Variants in PTPRG observed in about 807,000 individuals in gnomAD.
The protein encoded by PTPRG is protein tyrosine phosphatase receptor type G, also known as receptor-type tyrosine-protein phosphatase gamma.
PTPRG carries 102 observed loss-of-function variants against 165.3 expected under a neutral mutation model. That is an observed-to-expected ratio of 0.62 (90% CI 0.53 to 0.73). The LOEUF is 0.73. Ranked by LOEUF, PTPRG falls within the 30% of genes least tolerant of loss-of-function variation. The pLI, the probability that PTPRG is intolerant of heterozygous loss-of-function variation, is 0.00. For synonymous variants in PTPRG, 675 were observed against 669.5 expected, an observed-to-expected ratio of 1.01 and a Z score of -0.13; for missense variants, 1,866 against 1,861.4, an observed-to-expected ratio of 1.00 and a Z score of -0.05.
At chr3:61,708,523 G>T (rs993969032) in intron 1 of PTPRG, among the ~76,000 whole-genome samples, 1 of 139,190 alleles carries the variant, frequency 7.2e-6, no homozygotes, top group Admixed American at 8.0e-5. Context: ...GTGCAGTGGC[G>T]CAATCTGGGC....
At chr3:61,866,667 T>C (rs2037420628) in intron 2 of PTPRG, among the ~76,000 whole-genome samples, 1 of 136,354 alleles carries the variant, frequency 7.3e-6, no homozygotes, top group Admixed American at 8.4e-5. Flanking sequence ...TGGTACGGTA[T>C]CAGCTCACTG....
In PTPRG at chr3:61,897,298, C is replaced by CT. The variant is rs199955570; in HGVS notation, c.191-92318dup. On this transcript the variant is annotated intron_variant, in intron 2 of 29. Coordinates refer to ENST00000474889, the MANE Select transcript of PTPRG (RefSeq NM_002841.4). ...GGTGTGAGGTTTAGGCTGATCTTCT[C>CT]TTTTTTTTTGCCTAAGGTTTTCCAG... 3.5e-3 allele frequency among the ~76,000 whole-genome samples: 513 copies of CT among 146,942 alleles called. 1 individual carries two copies. Among genetic ancestry groups the CT allele is most frequent in the African/African-American group, 0.011 (396 of 37,570 alleles).
intron 1 of PTPRG, among the ~76,000 whole-genome samples, chr3:61,610,021 G>T (rs1701124363): frequency 6.8e-6 from 1 of 147,394 alleles, no homozygotes; most frequent in African/African-American, 2.5e-5. Context: ...GTTTTTATTT[G>T]TATCTAGTAT....
At chr3:62,028,491 T>G (rs1699648434) in intron 4 of PTPRG, among the ~76,000 whole-genome samples, 1 of 152,240 alleles carries the variant, frequency 6.6e-6, no homozygotes, top group Non-Finnish European at 1.5e-5. Context: ...GGAATAAGAA[T>G]GCTGAGGTAT....
chr3:62,218,704 C>T lies in PTPRG; in HGVS notation c.2156-147C>T, dbSNP rs368046259. On this transcript the variant is annotated intron_variant, in intron 12 of 29. Coordinates refer to ENST00000474889, the MANE Select transcript of PTPRG (RefSeq NM_002841.4). ...ATGGGGCAGGAAATGGTGAGGGCTGCGGATTGCCCCTCCTGTCATGGGGCA... is the reference window on the plus strand; with the variant it reads ...ATGGGGCAGGAAATGGTGAGGGCTGTGGATTGCCCCTCCTGTCATGGGGCA... 8.0e-5 allele frequency: 81 copies of T among 1,011,704 alleles called. No homozygotes were observed. In the Admixed American group the frequency reaches 9.9e-4, roughly 12 times the overall value. 62.7% of individuals were successfully genotyped at this position (1,011,704 alleles called of 1,614,324 possible).
chr3:61,830,591 G>A (rs1167488931), intron 2 of PTPRG, among the ~76,000 whole-genome samples: 1 of 32,028 alleles, frequency 3.1e-5, no homozygotes, highest in African/African-American at 9.4e-5. Context: ...TTTTTTTTTT[G>A]GAGATGGAGT....
chr3:62,276,760 A>G (rs1469718818), intron 24 of PTPRG: 5 of 541,882 alleles, frequency 9.2e-6, no homozygotes, highest in Admixed American at 3.5e-5. Context: ...CTGTATTCCT[A>G]CAATGCCTGT....
intron 1 of PTPRG, among the ~76,000 whole-genome samples, chr3:61,709,485 T>G (rs975183365): frequency 6.6e-6 from 1 of 152,086 alleles, no homozygotes; most frequent in Non-Finnish European, 1.5e-5. Context: ...TGGCTAATTT[T>G]TGTATTTTTA....
intron 13 of PTPRG, among the ~76,000 whole-genome samples, chr3:62,223,727 G>A (rs1700699212): frequency 6.6e-6 from 1 of 152,146 alleles, no homozygotes; most frequent in African/African-American, 2.4e-5. Context: ...TGACTTTAGG[G>A]AAAAATGGAA....
At chr3:62,171,768 G>A (rs117729471) in intron 8 of PTPRG, among the ~76,000 whole-genome samples, 7 of 151,490 alleles carry the variant, frequency 4.6e-5, no homozygotes, top group East Asian at 3.9e-4. Flanking sequence ...TTCTTTTAAC[G>A]TGTACACATC....
chr3:62,175,761 G>C (rs761726819), intron 8 of PTPRG, among the ~76,000 whole-genome samples: 1 of 152,316 alleles, frequency 6.6e-6, no homozygotes, highest in Non-Finnish European at 1.5e-5. Context: ...GCTAAGAGCG[G>C]TAGAGTGTGG....
chr3:61,948,020 G>A (rs2039806382), intron 2 of PTPRG, among the ~76,000 whole-genome samples: 1 of 152,050 alleles, frequency 6.6e-6, no homozygotes, highest in Non-Finnish European at 1.5e-5. Context: ...GTATCCCATA[G>A]GAAATCAAGA....
At chr3:62,006,114 C>G (rs997539681) in intron 4 of PTPRG, among the ~76,000 whole-genome samples, 3 of 152,064 alleles carry the variant, frequency 2.0e-5, no homozygotes, top group Admixed American at 1.3e-4. Context: ...GCCACCATGC[C>G]CAGGCTTATT....
intron 2 of PTPRG, among the ~76,000 whole-genome samples, chr3:61,881,154 A>G (rs2037879035): frequency 6.6e-6 from 1 of 152,108 alleles, no homozygotes; most frequent in African/African-American, 2.4e-5. Context: ...GTACTTTATA[A>G]CAAAGTGAGG....
rs1458390821 is a variant in PTPRG at position 62,078,263 on chromosome 3, G to A, written c.615+5G>A. On this transcript the variant is annotated splice_donor_5th_base_variant and intron_variant, in intron 5 of 29. Coordinates refer to ENST00000474889, the MANE Select transcript of PTPRG (RefSeq NM_002841.4). ...GCCATGGCCATATTTTTTCAAGTAA[G>A]TTAACAGTGGCTGAAGTACTTCAAA... 6.4e-7 allele frequency: 1 copy of A among 1,564,136 alleles called. No individual in the cohort carries two copies. The highest frequency in any genetic ancestry group is 8.7e-7 in the Non-Finnish European group (1 of 1,146,806).
intron 1 of PTPRG, among the ~76,000 whole-genome samples, chr3:61,681,689 A>C (rs948021166): frequency 2.0e-5 from 3 of 152,184 alleles, no homozygotes; most frequent in African/African-American, 7.2e-5. Flanking sequence ...AATACATGTA[A>C]AGTATTTGAT....
At chr3:61,663,351 T>G (rs7643182) in intron 1 of PTPRG, among the ~76,000 whole-genome samples, 150,657 of 152,222 alleles carry the variant, frequency 0.99, 74,582 homozygotes, top group East Asian at 1. Context: ...TTTGTTGAAA[T>G]AATAAATGAA....
chr3:61,592,842 G>A (rs934124268), intron 1 of PTPRG, among the ~76,000 whole-genome samples: 4 of 152,058 alleles, frequency 2.6e-5, no homozygotes, highest in African/African-American at 7.2e-5. Context: ...CATAAAAGCC[G>A]TGGGGCTGAC....
Position 62,088,851 on chromosome 3 carries a change from C to T in PTPRG, c.615+10593C>T, listed in dbSNP as rs141137856. Among the ~76,000 whole-genome samples the T allele has an allele frequency of 1.0e-2, 1,517 of 152,286 alleles. 16 individuals are homozygous for T. The highest frequency in any genetic ancestry group is 0.014 in the Non-Finnish European group (978 of 68,012). On this transcript the variant is annotated intron_variant, in intron 5 of 29. Transcript: ENST00000474889. ...GCATTATAGAAGGATTTTCCCAGGA[C>T]AGGATTTTAAAATGATAAACGCTGG...
Sources: gnomAD v4.1 joint callset for allele counts (sites outside exome capture counted in the v4.1 genomes callset) on GRCh38, gnomAD v4.1.1 for gene constraint, MANE v1.5 for transcripts, NCBI Gene and HGNC (gene_info 2026-07-23, HGNC 2026-07-21) for gene names.